The following WWP2 variants were observed in gnomAD, a reference collection of about 807,000 sequenced individuals.
The protein encoded by WWP2 is NEDD4-like E3 ubiquitin-protein ligase WWP2.
A neutral mutation model predicts 121.0 loss-of-function variants in WWP2; 57 were observed. The ratio of observed to expected loss-of-function variants is 0.47; its 90% CI spans 0.38 to 0.59. The LOEUF is 0.59. Among genes scored for constraint, WWP2 ranks in the 20% least tolerant of loss-of-function variants. WWP2 has a pLI of 0.00. For synonymous variants in WWP2, 449 were observed against 441.3 expected (o/e 1.02, Z -0.22); for missense variants, 962 against 1,158.9 (o/e 0.83, Z 2.47).
chr16:69,807,496 C>A (rs28563078), intron 4 of WWP2, among the ~76,000 whole-genome samples: 1 of 151,204 alleles, frequency 6.6e-6, no homozygotes, highest in African/African-American at 2.4e-5. Context: ...GTGTGTGCCT[C>A]TGGTCCCAGC....
chr16:69,813,265 C>A (rs1008712884), intron 4 of WWP2, among the ~76,000 whole-genome samples: 1 of 151,490 alleles, frequency 6.6e-6, no homozygotes, highest in Non-Finnish European at 1.5e-5. Flanking sequence ...TGGGTTCAAG[C>A]GATTCTCCTG....
At chr16:69,778,942 GTTATTTAT>G (rs10532241) in intron 1 of WWP2, among the ~76,000 whole-genome samples, 12 of 142,968 alleles carry the variant, frequency 8.4e-5, no homozygotes, top group East Asian at 2.1e-4. Context: ...CACCTGGCCG[GTTATTTAT>G]TTATTTATTT....
intron 7 of WWP2, among the ~76,000 whole-genome samples, chr16:69,872,507 G>C (rs183357199): frequency 6.6e-6 from 1 of 152,210 alleles, no homozygotes; most frequent in African/African-American, 2.4e-5. Flanking sequence ...GAGCCACTGC[G>C]CCTAGCCTTT....
At chr16:69,855,390 C>T (rs1349990277) in intron 6 of WWP2, among the ~76,000 whole-genome samples, 1 of 152,152 alleles carries the variant, frequency 6.6e-6, no homozygotes, top group Non-Finnish European at 1.5e-5. Context: ...CCAAAGCCCC[C>T]CTGACCTGTC....
intron 4 of WWP2, among the ~76,000 whole-genome samples, chr16:69,815,258 C>G (rs763644681): frequency 3.4e-4 from 52 of 152,136 alleles, no homozygotes; most frequent in African/African-American, 1.2e-3. Flanking sequence ...CCATCTTGGC[C>G]TCCCAAAGTG....
At chr16:69,865,286 G>A (rs1678786690) in intron 6 of WWP2, among the ~76,000 whole-genome samples, 1 of 151,982 alleles carries the variant, frequency 6.6e-6, no homozygotes, top group South Asian at 2.1e-4. Context: ...CCGACCTCAG[G>A]TGATCCGCCT....
intron 1 of WWP2, among the ~76,000 whole-genome samples, chr16:69,785,215 G>A (rs1482835604): frequency 8.2e-5 from 3 of 36,478 alleles, no homozygotes; most frequent in African/African-American, 2.9e-4. Context: ...CAGCTTAGGT[G>A]TGTGAGACTG....
intron 4 of WWP2, among the ~76,000 whole-genome samples, chr16:69,800,668 G>A (rs2056144981): frequency 1.3e-5 from 2 of 150,708 alleles, no homozygotes; most frequent in South Asian, 4.2e-4. Context: ...AGGTTCAAGC[G>A]ATCCTACCAC....
intron 4 of WWP2, chr16:69,838,995 T>G (rs1414881668): frequency 1.4e-4 from 18 of 129,754 alleles, no homozygotes; most frequent in Admixed American, 3.0e-4. Context: ...CAGTCTTTTT[T>G]GGGGGGGTGG....
At chr16:69,936,946 C>T in intron 19 of WWP2, 172 bp from the exon 20 acceptor site, 1 of 817,872 alleles carries the variant, frequency 1.2e-6, no homozygotes. Flanking sequence ...CTGCAGGTCA[C>T]TGTGAGGTTT....
At position 69,883,236 on chromosome 16, in the gene WWP2, T is replaced by G. The variant is rs1597104906; in HGVS notation, c.704-4803T>G. Among the ~76,000 whole-genome samples, 5 of 152,160 alleles carry G rather than the reference T, an allele frequency of 3.3e-5. No homozygotes were observed. In the South Asian group the frequency reaches 8.3e-4, roughly 25 times the overall value. ...TGTCTTCGACAATCCAGTTTTTCTA[T>G]TTGAAGCCTCATTAGACTTGAGTAT... is the stretch of plus-strand genomic sequence containing the variant. On this transcript the variant is annotated intron_variant, in intron 7 of 23. Transcript: ENST00000359154.
chr16:69,933,789 C>G (rs2058754599), intron 16 of WWP2, among the ~76,000 whole-genome samples, 181 bp from the exon 17 acceptor site: 1 of 152,148 alleles, frequency 6.6e-6, no homozygotes, highest in Non-Finnish European at 1.5e-5. Flanking sequence ...AGGTCTGAGC[C>G]TGCCCTGTTC....
Position 69,799,046 on chromosome 16 carries a change from G to A in WWP2, c.219-128G>A. The stretch of plus-strand genomic sequence containing the variant: ...CAGGGTCAGCTTTGAGAGGGGAAAG[G>A]ATATATGTGGGTGTCTGCCTGTTTT... On this transcript the variant is annotated intron_variant, in intron 3 of 23. Coordinates refer to ENST00000359154, the MANE Select transcript of WWP2 (RefSeq NM_001270454.2). This position sits in a 1 kb window ranked among gnomAD's most constrained non-coding sequence, Gnocchi z 4.5. 1 of 1,429,146 alleles carries A rather than the reference G, an allele frequency of 7.0e-7. No homozygotes were observed. The highest frequency in any genetic ancestry group is 9.5e-7 in the Non-Finnish European group (1 of 1,054,588). 88.5% of individuals were successfully genotyped at this position (1,429,146 alleles called of 1,614,324 possible).
At chr16:69,889,262 C>G (rs2057983502) in intron 8 of WWP2, among the ~76,000 whole-genome samples, 1 of 152,146 alleles carries the variant, frequency 6.6e-6, no homozygotes, top group Non-Finnish European at 1.5e-5. Flanking sequence ...GAGTTAGAGG[C>G]AGCAGTGAGC....
intron 7 of WWP2, among the ~76,000 whole-genome samples, chr16:69,877,380 C>T (rs952171238): frequency 2.0e-5 from 3 of 152,192 alleles, no homozygotes; most frequent in Admixed American, 6.5e-5. Context: ...GAAGAGGGTT[C>T]GGGTCTTGCT....
chr16:69,810,157 T>G (rs2056361043), intron 4 of WWP2, among the ~76,000 whole-genome samples: 1 of 152,234 alleles, frequency 6.6e-6, no homozygotes, highest in Admixed American at 6.5e-5. Flanking sequence ...GCTCCCTTGT[T>G]TTCCCTGGGT....
At chr16:69,765,732 G>C (rs770786265) in intron 1 of WWP2, among the ~76,000 whole-genome samples, 1 of 152,180 alleles carries the variant, frequency 6.6e-6, no homozygotes, top group African/African-American at 2.4e-5. Flanking sequence ...GCTGAGGCAC[G>C]AGAATTGCTT....
intron 10 of WWP2, among the ~76,000 whole-genome samples, chr16:69,921,671 C>G (rs546259881): frequency 6.6e-6 from 1 of 152,258 alleles, no homozygotes; most frequent in African/African-American, 2.4e-5. Flanking sequence ...TGTCGTGTTC[C>G]TGCTGGGACC....
At chr16:69,812,477 C>CCCCCTTTT (rs1567679792) in intron 4 of WWP2, among the ~76,000 whole-genome samples, 2 of 119,902 alleles carry the variant, frequency 1.7e-5, no homozygotes, top group African/African-American at 6.6e-5. Context: ...AACCCCCCCC[C>CCCCCTTTT]TTTTTTTTTT....
Sources: allele counts gnomAD v4.1 joint callset (sites outside exome capture counted in the v4.1 genomes callset), GRCh38; gene constraint gnomAD v4.1.1; non-coding constraint Gnocchi (gnomAD v3.1); transcripts MANE v1.5; gene names NCBI Gene and HGNC (gene_info 2026-07-23, HGNC 2026-07-21).